ANKRD13C: variants seen among roughly 807,000 people sequenced by gnomAD.
ANKRD13C encodes the protein ankyrin repeat domain-containing protein 13C.
In ANKRD13C, 16 loss-of-function variants were observed where a neutral mutation model predicts 65.5. The ratio of observed to expected loss-of-function variants is 0.24; its 90% confidence interval spans 0.17 to 0.37. ANKRD13C has a LOEUF of 0.37. Among genes scored for constraint, ANKRD13C ranks in the 10% least tolerant of loss-of-function variants. The pLI is 1.00. For missense variants in ANKRD13C, 503 were observed against 655.9 expected (o/e 0.77, Z 2.55); for synonymous variants, 235 against 238.7 (o/e 0.98, Z 0.14).
chr1:70,317,040 G>A lies in ANKRD13C; in HGVS notation c.578-1474C>T, dbSNP rs756789964. Among the ~76,000 whole-genome samples, 29 of 138,738 alleles carry A rather than the reference G, an allele frequency of 2.1e-4. No individual in the cohort carries two copies. The South Asian group carries it at 6.5e-3, about 31-fold the overall frequency. The allele number at this position is 138,738 out of a possible 152,430, so 91.0% of individuals were successfully genotyped here. A position where few individuals can be genotyped will look rare whatever the true frequency, so the allele number is the denominator to read the frequency against. ...AGCAGAAGGCGAATAAAAAAAGAAG[G>A]TAGTGAAAGCTTGGACTAGATTTTT... On this transcript the variant is annotated intron_variant, in intron 3 of 12. Coordinates refer to ENST00000370944, the MANE Select transcript of ANKRD13C (RefSeq NM_030816.5).
At chr1:70,322,811 G>A (rs938154240) in intron 3 of ANKRD13C, among the ~76,000 whole-genome samples, 1 of 152,006 alleles carries the variant, frequency 6.6e-6, no homozygotes, top group African/African-American at 2.4e-5. Context: ...TGACCAACGT[G>A]GAGAAACCCC....
intron 6 of ANKRD13C, 89 bp from the exon 7 acceptor site, chr1:70,300,997 C>T: frequency 7.2e-7 from 1 of 1,389,200 alleles, no homozygotes; most frequent in South Asian, 1.5e-5. Flanking sequence ...CTTTTAAACT[C>T]AAACCAAGAT....
chr1:70,332,246 C>T (rs560236154), intron 2 of ANKRD13C, among the ~76,000 whole-genome samples: 8 of 152,270 alleles, frequency 5.3e-5, no homozygotes, highest in African/African-American at 1.9e-4. Flanking sequence ...AACACATGCC[C>T]CAACTTGAAA....
rs1448637237 is a variant in ANKRD13C at position 70,319,611 on chromosome 1, A to G, written c.578-4045T>C. Among the ~76,000 whole-genome samples the G allele has an allele frequency of 6.6e-5, 10 of 151,268 alleles. No homozygotes were observed. In the Admixed American group the frequency reaches 6.6e-4, roughly 10 times the overall value. ...AACAAGAGGGAAACTCCATCTCAAA[A>G]AAAAAAAGAAACCAAATACATATTG... On this transcript the variant is annotated intron_variant, in intron 3 of 12. Coordinates refer to ENST00000370944, the MANE Select transcript of ANKRD13C (RefSeq NM_030816.5).
chr1:70,290,500 A>G (rs1420389003), intron 9 of ANKRD13C, among the ~76,000 whole-genome samples: 2 of 152,056 alleles, frequency 1.3e-5, no homozygotes, highest in Non-Finnish European at 2.9e-5. Context: ...ATGAAGTAGT[A>G]ATGACTCTCA....
At chr1:70,337,146 A>AACACACACACACACAC (rs58715407) in intron 1 of ANKRD13C, among the ~76,000 whole-genome samples, 1 of 145,350 alleles carries the variant, frequency 6.9e-6, no homozygotes, top group African/African-American at 2.5e-5. Context: ...CCATGATTCA[A>AACACACACACACACAC]ACACACACAC....
At chr1:70,290,290 A>G (rs1309021785) in intron 9 of ANKRD13C, among the ~76,000 whole-genome samples, 1 of 152,236 alleles carries the variant, frequency 6.6e-6, no homozygotes, top group East Asian at 1.9e-4. Flanking sequence ...ACTATTCTGG[A>G]AACTTTGACC....
At chr1:70,277,210 C>A (rs996208617) in intron 9 of ANKRD13C, among the ~76,000 whole-genome samples, 16 of 152,062 alleles carry the variant, frequency 1.1e-4, no homozygotes, top group African/African-American at 2.9e-4. Context: ...GTAATCCCAG[C>A]ACTTTGGGAG....
chr1:70,321,619 C>T (rs986561560), intron 3 of ANKRD13C, among the ~76,000 whole-genome samples: 1 of 151,996 alleles, frequency 6.6e-6, no homozygotes, highest in Admixed American at 6.6e-5. Flanking sequence ...AGAGCTGTCT[C>T]GATCAGAGAA....
intron 9 of ANKRD13C, among the ~76,000 whole-genome samples, chr1:70,281,396 CTTTTTT>C (rs71583111): frequency 8.2e-5 from 7 of 85,340 alleles, no homozygotes; most frequent in African/African-American, 3.1e-4. Flanking sequence ...TGACTAAATT[CTTTTTT>C]TTTTTTTTTT....
intron 6 of ANKRD13C, among the ~76,000 whole-genome samples, chr1:70,302,725 CAAAAAAAAAA>C (rs11359618): frequency 3.1e-4 from 10 of 32,164 alleles, no homozygotes; most frequent in Admixed American, 1.4e-3. Flanking sequence ...GACTCCGTCT[CAAAAAAAAAA>C]AAAAAAAAAA....
Position 70,260,658 on chromosome 1 carries a change from T to C in ANKRD13C, c.*2059A>G, listed in dbSNP as rs1235575533. 6.6e-6 allele frequency: 1 copy of C among 152,120 alleles called. No homozygotes were observed. Among genetic ancestry groups the C allele is most frequent in the Non-Finnish European group, 1.5e-5 (1 of 67,976 alleles). The allele number at this position is 152,120 out of a possible 1,614,324, so 9.4% of individuals were successfully genotyped here. On this transcript the variant is annotated 3_prime_UTR_variant, in exon 13 of 13. Coordinates refer to ENST00000370944, the MANE Select transcript of ANKRD13C (RefSeq NM_030816.5). ...TCCTTTTTTTCACCATCATAAGAGA[T>C]ATTGACATTTGTTTGCTCTTTGTGA...
intron 9 of ANKRD13C, among the ~76,000 whole-genome samples, chr1:70,285,912 T>TCA (rs1558271909): frequency 6.6e-6 from 1 of 152,172 alleles, no homozygotes; most frequent in Non-Finnish European, 1.5e-5. Flanking sequence ...TATATACCTT[T>TCA]CTTAAAAAGC....
Position 70,286,843 on chromosome 1 carries a change from G to A in ANKRD13C, c.1215+5545C>T, listed in dbSNP as rs539238935. On this transcript the variant is annotated intron_variant, in intron 9 of 12. Coordinates refer to ENST00000370944, the MANE Select transcript of ANKRD13C (RefSeq NM_030816.5). ...TCCACTAAAAATACAAAAACTAGCC[G>A]GGCGTGGTGGTGGGTACCTGTAATC... Among the ~76,000 whole-genome samples the A allele has an allele frequency of 3.9e-5, 6 of 152,172 alleles. No homozygotes were observed. The East Asian group carries it at 5.8e-4, about 15-fold the overall frequency.
chr1:70,343,208 G>T (rs1682386775), intron 1 of ANKRD13C, among the ~76,000 whole-genome samples: 1 of 152,100 alleles, frequency 6.6e-6, no homozygotes, highest in Non-Finnish European at 1.5e-5. Flanking sequence ...CAAATATTAT[G>T]CTCTGCTAAT....
At chr1:70,316,812 GA>G (rs994783467) in intron 3 of ANKRD13C, among the ~76,000 whole-genome samples, 232 of 152,064 alleles carry the variant, frequency 1.5e-3, no homozygotes, top group African/African-American at 5.1e-3. Context: ...ATAAGCATAG[GA>G]AAAAATAAGA....
intron 4 of ANKRD13C, among the ~76,000 whole-genome samples, chr1:70,314,215 GA>G (rs201305373): frequency 1.1e-4 from 17 of 150,502 alleles, no homozygotes; most frequent in South Asian, 8.4e-4. Context: ...TAATATCTAT[GA>G]AAAAAAAATT....
intron 12 of ANKRD13C, among the ~76,000 whole-genome samples, chr1:70,263,893 A>G (rs1174684826): frequency 6.6e-6 from 1 of 152,214 alleles, no homozygotes; most frequent in African/African-American, 2.4e-5. Flanking sequence ...ATTAAGTCTA[A>G]CTGATATAAG....
intron 10 of ANKRD13C, among the ~76,000 whole-genome samples, chr1:70,275,511 T>C (rs1293937682): frequency 6.6e-6 from 1 of 152,262 alleles, no homozygotes; most frequent in African/African-American, 2.4e-5. Flanking sequence ...GTCCTTTTTT[T>C]TTTTTCATTT....
Sources: allele counts gnomAD v4.1 joint callset (sites outside exome capture counted in the v4.1 genomes callset), GRCh38; gene constraint gnomAD v4.1.1; transcripts MANE v1.5; gene names NCBI Gene and HGNC (gene_info 2026-07-23, HGNC 2026-07-21).